Variants in TASP1 observed in about 807,000 individuals in gnomAD.
The protein encoded by TASP1 is threonine aspartase 1.
TASP1 carries 16 observed loss-of-function variants against 56.6 expected under a neutral mutation model. The observed-to-expected ratio is 0.28, with a 90% CI of 0.19 to 0.43. TASP1 has a LOEUF of 0.43. TASP1 is among the 20% of genes least tolerant of loss of function. The probability of loss-of-function intolerance (pLI) is 1.00; values close to 1 mark genes in which losing one functional copy is unlikely to be tolerated. For synonymous variants in TASP1, 179 were observed against 184.2 expected, an observed-to-expected ratio of 0.97 and a Z score of 0.23; for missense variants, 393 against 511.6, an observed-to-expected ratio of 0.77 and a Z score of 2.24.
the TASP1 span, among the ~76,000 whole-genome samples, chr20:13,192,210 A>C: frequency 6.6e-6 from 1 of 152,210 alleles, no homozygotes; most frequent in Middle Eastern, 3.2e-3. Flanking sequence ...TCGAGGCAGA[A>C]GGAAAATAAC....
the TASP1 span, among the ~76,000 whole-genome samples, chr20:13,152,718 C>A: frequency 2.6e-5 from 4 of 152,158 alleles, no homozygotes; most frequent in Non-Finnish European, 5.9e-5. Context: ...GGCCCTCATA[C>A]CACCTTGTAG....
chr20:13,376,591 A>AT, the TASP1 span, among the ~76,000 whole-genome samples: 4 of 151,700 alleles, frequency 2.6e-5, no homozygotes, highest in South Asian at 2.1e-4. Flanking sequence ...AATTTAAAAT[A>AT]GTTTTTTTTC....
At chr20:13,211,141 G>A in the TASP1 span, among the ~76,000 whole-genome samples, 5 of 152,174 alleles carry the variant, frequency 3.3e-5, no homozygotes, top group African/African-American at 1.2e-4. Context: ...CATCACAAAT[G>A]AGATGCCTAG....
At chr20:13,482,435 T>C (rs2043174013) in intron 11 of TASP1, among the ~76,000 whole-genome samples, 1 of 152,210 alleles carries the variant, frequency 6.6e-6, no homozygotes, top group East Asian at 1.9e-4. Context: ...TTTTTCTATT[T>C]CAGAAGAATG....
chr20:13,576,194 T>C (rs1376815796), intron 6 of TASP1, among the ~76,000 whole-genome samples: 1 of 101,108 alleles, frequency 9.9e-6, no homozygotes, highest in Non-Finnish European at 1.8e-5. Flanking sequence ...AGAGCAAGAT[T>C]CCGAGACAGA....
the TASP1 span, among the ~76,000 whole-genome samples, chr20:13,230,395 C>T: frequency 1.3e-5 from 2 of 152,058 alleles, no homozygotes; most frequent in African/African-American, 4.8e-5. Context: ...GTTCCTTTGT[C>T]GTCTCCAAAT....
chr20:13,383,957 G>T, the TASP1 span, among the ~76,000 whole-genome samples: 1 of 152,176 alleles, frequency 6.6e-6, no homozygotes, highest in African/African-American at 2.4e-5. Flanking sequence ...CCATTTACCA[G>T]GTGGGAAAGA....
chr20:13,577,366 C>A (rs897472581), intron 6 of TASP1, among the ~76,000 whole-genome samples: 13 of 152,078 alleles, frequency 8.5e-5, no homozygotes, highest in African/African-American at 3.1e-4. Context: ...GTTTTGTAAT[C>A]TTTTTAAGAA....
the TASP1 span, chr20:13,164,911 C>A: frequency 1.3e-6 from 2 of 1,499,352 alleles, no homozygotes; most frequent in Non-Finnish European, 1.8e-6. Context: ...GCGAGAAAGA[C>A]CTCCCTCCTT....
intron 12 of TASP1, among the ~76,000 whole-genome samples, chr20:13,430,159 T>A (rs1391488255): frequency 6.6e-6 from 1 of 152,156 alleles, no homozygotes; most frequent in Non-Finnish European, 1.5e-5. Context: ...ACCCAACAGC[T>A]GCCTAAAGAT....
chr20:13,158,288 C>T, the TASP1 span, among the ~76,000 whole-genome samples: 41 of 152,116 alleles, frequency 2.7e-4, no homozygotes, highest in African/African-American at 9.7e-4. Flanking sequence ...TATAAAATTT[C>T]CAGTGCAATC....
At chr20:13,482,330 T>G (rs775603640) in intron 11 of TASP1, among the ~76,000 whole-genome samples, 3 of 152,162 alleles carry the variant, frequency 2.0e-5, no homozygotes, top group Non-Finnish European at 2.9e-5. Flanking sequence ...TAATCTGAAG[T>G]TATATAATGT....
At chr20:13,583,205 G>A (rs1252602608) in intron 5 of TASP1, among the ~76,000 whole-genome samples, 1 of 152,172 alleles carries the variant, frequency 6.6e-6, no homozygotes, top group South Asian at 2.1e-4. Context: ...TCTTTATCCT[G>A]CCCAAGGGAG....
chr20:13,458,473 G>A (rs550503732), intron 11 of TASP1, among the ~76,000 whole-genome samples: 5 of 151,666 alleles, frequency 3.3e-5, no homozygotes, highest in African/African-American at 4.8e-5. Context: ...TCAGCCTCCC[G>A]AGTAGCTGGG....
the TASP1 span, among the ~76,000 whole-genome samples, chr20:13,246,411 T>C: frequency 2.6e-5 from 4 of 152,126 alleles, no homozygotes; most frequent in Non-Finnish European, 5.9e-5. Flanking sequence ...GAAGCATCCC[T>C]ACTGCCCACT....
chr20:13,576,338 A>AAAGG (rs1272136730), intron 6 of TASP1, among the ~76,000 whole-genome samples: 8 of 126,588 alleles, frequency 6.3e-5, no homozygotes, highest in African/African-American at 1.8e-4. Flanking sequence ...AGAAAGAAAG[A>AAAGG]AAGGAAGAAA....
At chr20:13,603,779 A>T (rs1025555254) in intron 4 of TASP1, among the ~76,000 whole-genome samples, 1 of 152,086 alleles carries the variant, frequency 6.6e-6, no homozygotes, top group Non-Finnish European at 1.5e-5. Context: ...TATTGATCAA[A>T]CTCTATTCAA....
intron 10 of TASP1, among the ~76,000 whole-genome samples, chr20:13,527,958 A>C (rs2045049755): frequency 6.6e-6 from 1 of 152,136 alleles, no homozygotes; most frequent in Non-Finnish European, 1.5e-5. Context: ...GCAGTGACTT[A>C]AGCCTGTAAT....
At chr20:13,572,556 C>T (rs1207087646) in intron 6 of TASP1, among the ~76,000 whole-genome samples, 3 of 151,782 alleles carry the variant, frequency 2.0e-5, no homozygotes, top group Non-Finnish European at 4.4e-5. Context: ...TGTGATGGCA[C>T]GCACCTGTAA....
Sources: allele counts gnomAD v4.1 joint callset (sites outside exome capture counted in the v4.1 genomes callset), GRCh38; gene constraint gnomAD v4.1.1; transcripts MANE v1.5; gene names NCBI Gene and HGNC (gene_info 2026-07-23, HGNC 2026-07-21).